HPSE2: variants seen among roughly 807,000 people sequenced by gnomAD.
HPSE2 encodes inactive heparanase-2.
A neutral mutation model predicts 60.5 loss-of-function variants in HPSE2; 38 were observed. The observed-to-expected ratio is 0.63, with a 90% CI of 0.48 to 0.82. The LOEUF (loss-of-function observed/expected upper bound fraction) is 0.82, where lower values mean the gene tolerates loss of function less well. Among genes scored for constraint, HPSE2 ranks in the 40% least tolerant of loss-of-function variants. The probability of loss-of-function intolerance (pLI) is 0.00; values close to 1 mark genes in which losing one functional copy is unlikely to be tolerated. For missense variants in HPSE2, 713 were observed against 740.4 expected, an observed-to-expected ratio of 0.96 and a Z score of 0.43; for synonymous variants, 295 against 293.2, an observed-to-expected ratio of 1.01 and a Z score of -0.06.
chr10:98,811,277 A>G (rs1357049788), intron 3 of HPSE2, among the ~76,000 whole-genome samples: 1 of 151,668 alleles, frequency 6.6e-6, no homozygotes, highest in African/African-American at 2.4e-5. Flanking sequence ...CCTCAAAAAC[A>G]CTCCTCACAA....
At chr10:98,858,668 A>G (rs1178665438) in intron 3 of HPSE2, among the ~76,000 whole-genome samples, 2 of 152,198 alleles carry the variant, frequency 1.3e-5, no homozygotes, top group African/African-American at 4.8e-5. Flanking sequence ...ATTACAAATC[A>G]TTTGTAAGGG....
At chr10:98,892,718 C>T (rs1489429093) in intron 3 of HPSE2, among the ~76,000 whole-genome samples, 1 of 152,194 alleles carries the variant, frequency 6.6e-6, no homozygotes, top group Non-Finnish European at 1.5e-5. Flanking sequence ...AAATAAATTG[C>T]CTTATGACAA....
the HPSE2 span, among the ~76,000 whole-genome samples, chr10:99,272,082 C>A: frequency 6.6e-6 from 1 of 152,132 alleles, no homozygotes; most frequent in South Asian, 2.1e-4. Flanking sequence ...ACCGGCCAGG[C>A]CAACATGGTG....
chr10:98,545,697 T>C (rs950168296), intron 9 of HPSE2, among the ~76,000 whole-genome samples: 1 of 151,994 alleles, frequency 6.6e-6, no homozygotes, highest in Non-Finnish European at 1.5e-5. Flanking sequence ...GCCAATATCA[T>C]ACTGAATGGG....
intron 9 of HPSE2, among the ~76,000 whole-genome samples, chr10:98,515,229 G>A (rs1008706008): frequency 9.2e-5 from 14 of 152,096 alleles, no homozygotes; most frequent in Admixed American, 2.0e-4. Context: ...CATGGGTGCC[G>A]ACATCTAGAT....
At chr10:98,837,734 C>T (rs1251716982) in intron 3 of HPSE2, among the ~76,000 whole-genome samples, 4 of 151,986 alleles carry the variant, frequency 2.6e-5, no homozygotes, top group African/African-American at 9.7e-5. Context: ...ATTAGCCGGG[C>T]GTGGTGGCGG....
intron 3 of HPSE2, among the ~76,000 whole-genome samples, chr10:98,968,237 T>C (rs1045164582): frequency 1.3e-5 from 2 of 152,212 alleles, no homozygotes; most frequent in Admixed American, 1.3e-4. Flanking sequence ...ATATGCTTAG[T>C]TCACCTGTGG....
intron 9 of HPSE2, among the ~76,000 whole-genome samples, chr10:98,503,134 C>T (rs1242120375): frequency 6.6e-6 from 1 of 151,338 alleles, no homozygotes; most frequent in African/African-American, 2.4e-5. Flanking sequence ...GTTGCTGGAA[C>T]CCGGGAGGTG....
At chr10:99,007,786 G>A (rs1956926689) in intron 3 of HPSE2, among the ~76,000 whole-genome samples, 1 of 152,166 alleles carries the variant, frequency 6.6e-6, no homozygotes, top group Non-Finnish European at 1.5e-5. Flanking sequence ...GGCCTTTAGA[G>A]TCTAGCCCCT....
chr10:98,943,455 C>T (rs1480448379), intron 3 of HPSE2, among the ~76,000 whole-genome samples: 1 of 151,932 alleles, frequency 6.6e-6, no homozygotes, highest in Non-Finnish European at 1.5e-5. Flanking sequence ...TTGTGGTAGA[C>T]AGCCTCCAAG....
chr10:98,841,157 C>T (rs1951903778), intron 3 of HPSE2, among the ~76,000 whole-genome samples: 2 of 152,166 alleles, frequency 1.3e-5, no homozygotes, highest in Non-Finnish European at 2.9e-5. Flanking sequence ...ACTTGGGAGG[C>T]TGAGGCATGA....
At chr10:99,263,161 A>G in the HPSE2 span, among the ~76,000 whole-genome samples, 1,348 of 151,926 alleles carry the variant, frequency 8.9e-3, 14 homozygotes, top group African/African-American at 0.031. Flanking sequence ...CTTCTTTCCT[A>G]TTCCTCACCC....
At chr10:98,821,344 T>TA (rs1433661481) in intron 3 of HPSE2, among the ~76,000 whole-genome samples, 1 of 152,214 alleles carries the variant, frequency 6.6e-6, no homozygotes, top group African/African-American at 2.4e-5. Context: ...AAAACCTGTA[T>TA]AGCATATTAC....
At chr10:98,522,167 G>A (rs1942815835) in intron 9 of HPSE2, among the ~76,000 whole-genome samples, 1 of 151,772 alleles carries the variant, frequency 6.6e-6, no homozygotes, top group Non-Finnish European at 1.5e-5. Flanking sequence ...ACATGGGATT[G>A]TTAGGAAGTT....
At chr10:99,237,852 T>C (rs1409467583), upstream of HPSE2, among the ~76,000 whole-genome samples, 1 of 152,240 alleles carries the variant, frequency 6.6e-6, no homozygotes, top group Middle Eastern at 3.2e-3. Flanking sequence ...GCAAACACTT[T>C]TGCCTTTGTG....
chr10:98,765,765 C>A (rs1035510462), intron 3 of HPSE2, among the ~76,000 whole-genome samples: 8 of 152,046 alleles, frequency 5.3e-5, no homozygotes, highest in Admixed American at 5.2e-4. Flanking sequence ...ATCACTTGAA[C>A]CCTGGTGGCA....
At chr10:99,263,656 G>A in the HPSE2 span, among the ~76,000 whole-genome samples, 1 of 151,696 alleles carries the variant, frequency 6.6e-6, no homozygotes, top group African/African-American at 2.4e-5. Context: ...CTTCTCATTG[G>A]TCACTCCTAT....
chr10:99,041,107 T>C (rs1053381637), intron 3 of HPSE2, among the ~76,000 whole-genome samples: 4 of 151,552 alleles, frequency 2.6e-5, no homozygotes, highest in Admixed American at 1.3e-4. Context: ...AAAAATTGCA[T>C]AGTCAAGTAT....
chr10:98,878,272 AT>A (rs200284179), intron 3 of HPSE2, among the ~76,000 whole-genome samples: 5 of 151,746 alleles, frequency 3.3e-5, no homozygotes, highest in African/African-American at 7.3e-5. Flanking sequence ...AAAGAGATCT[AT>A]TTTTTTTCCT....
Sources: gnomAD v4.1 joint callset for allele counts (sites outside exome capture counted in the v4.1 genomes callset) on GRCh38, gnomAD v4.1.1 for gene constraint, MANE v1.5 for transcripts, NCBI Gene and HGNC (gene_info 2026-07-23, HGNC 2026-07-21) for gene names.